Variants in ALPK2 observed in about 807,000 individuals in gnomAD.
ALPK2 encodes alpha-protein kinase 2.
Under a neutral mutation model 163.1 loss-of-function variants are expected in ALPK2, and 127 were observed. The observed-to-expected ratio is 0.78, with a 90% confidence interval of 0.67 to 0.90. ALPK2 has a LOEUF of 0.90. Among genes scored for constraint, ALPK2 ranks in the 40% least tolerant of loss-of-function variants. ALPK2 has a pLI of 0.00. For missense variants in ALPK2, 2,360 were observed against 2,589.6 expected (o/e 0.91, Z 1.92); for synonymous variants, 953 against 959.1 (o/e 0.99, Z 0.12).
At chr18:58,627,584 C>T (rs534249056) in intron 1 of ALPK2, among the ~76,000 whole-genome samples, 4 of 152,300 alleles carry the variant, frequency 2.6e-5, no homozygotes, top group Admixed American at 6.5e-5. Flanking sequence ...GAGACTGAGA[C>T]ATTGTACTCC....
At position 58,536,998 on chromosome 18, in the gene ALPK2, A is replaced by G. The variant is rs1229239316; in HGVS notation, c.3189T>C (p.Gly1063=). ...GCTCTTTTGTAGATTTGATGGTAGCACCACTTAAAATATGATCCAACTGCA... is the reference window on the plus strand; with the variant it reads ...GCTCTTTTGTAGATTTGATGGTAGCGCCACTTAAAATATGATCCAACTGCA... ...SQVQLDHILS[G]ATIKSTKELL... Residue 1063 remains glycine, a synonymous_variant, in exon 5 of 13, where the codon GGT becomes GGC. Coordinates refer to ENST00000361673, the MANE Select transcript of ALPK2 (RefSeq NM_052947.4). 3 of 1,614,044 alleles carry G rather than the reference A, an allele frequency of 1.9e-6. No individual in the cohort carries two copies. The highest frequency in any genetic ancestry group is 1.7e-5 in the Admixed American group (1 of 60,012).
At chr18:58,499,898 A>G (rs768099058) in intron 11 of ALPK2, among the ~76,000 whole-genome samples, 8 of 152,210 alleles carry the variant, frequency 5.3e-5, no homozygotes, top group Non-Finnish European at 1.0e-4. Flanking sequence ...CTGGCCACCT[A>G]CTTCCGTGGT....
rs139176111 is a variant in ALPK2 at position 58,520,149 on chromosome 18, C to T, written c.5666-2967G>A. Among the ~76,000 whole-genome samples, 30 of 152,090 alleles carry T rather than the reference C, an allele frequency of 2.0e-4. No homozygotes were observed. The East Asian group carries it at 2.5e-3, about 13-fold the overall frequency. On this transcript the variant is annotated intron_variant, in intron 8 of 12. Coordinates refer to ENST00000361673, the MANE Select transcript of ALPK2 (RefSeq NM_052947.4). The stretch of plus-strand genomic sequence containing the variant: ...TCCATGAGAAAGAATCAAGAGAGGC[C>T]GGGTGTGGTGGTTCACACCTGTAAT...
intron 10 of ALPK2, among the ~76,000 whole-genome samples, chr18:58,513,676 A>C (rs1328030829): frequency 6.6e-6 from 1 of 152,232 alleles, no homozygotes; most frequent in Non-Finnish European, 1.5e-5. Flanking sequence ...CAGGAGTTGT[A>C]GGCCAGCCTG....
At chr18:58,599,718 A>C (rs1007656911) in intron 3 of ALPK2, among the ~76,000 whole-genome samples, 3 of 152,196 alleles carry the variant, frequency 2.0e-5, no homozygotes, top group African/African-American at 7.2e-5. Flanking sequence ...TGTTTAAAGC[A>C]CCTGAAATAG....
Position 58,628,854 on chromosome 18 carries a change from C to T in ALPK2, c.-111G>A, listed in dbSNP as rs1179971003. ...GTGTGTGAGGCATTGATTGGGTGTC[C>T]CTGTTCCCGGGACAGGGATTCAAAG... is the stretch of plus-strand genomic sequence containing the variant. On this transcript the variant is annotated 5_prime_UTR_variant, in exon 1 of 13. Transcript: ENST00000361673. 1.3e-5 allele frequency: 2 copies of T among 152,160 alleles called. No individual in the cohort carries two copies. Among genetic ancestry groups the T allele is most frequent in the African/African-American group, 4.8e-5 (2 of 41,426 alleles). 9.4% of individuals were successfully genotyped at this position (152,160 alleles called of 1,614,324 possible).
In ALPK2 at chr18:58,535,707, C is replaced by G. The variant is rs2051641644; in HGVS notation, c.4480G>C (p.Val1494Leu). ...PEEAKTAIWQ[V>L]LQPSEGGERI... ...TCACCGCCTTCGCTGGGTTGCAGGACTTGCCAAATGGCAGTTTTTGCCTCC... is the reference window on the plus strand; with the variant it reads ...TCACCGCCTTCGCTGGGTTGCAGGAGTTGCCAAATGGCAGTTTTTGCCTCC... Residue 1494 changes from valine to leucine, a missense_variant, in exon 5 of 13, where the codon GTC becomes CTC. Coordinates refer to ENST00000361673, the MANE Select transcript of ALPK2 (RefSeq NM_052947.4). The G allele has an allele frequency of 6.2e-7, 1 of 1,614,150 alleles. No individual in the cohort carries two copies. The highest frequency in any genetic ancestry group is 1.7e-5 in the Admixed American group (1 of 60,014).
At chr18:58,584,427 G>A (rs2051975422) in intron 3 of ALPK2, among the ~76,000 whole-genome samples, 1 of 152,228 alleles carries the variant, frequency 6.6e-6, no homozygotes. Context: ...TTTCCCCAAA[G>A]TGACAAAGCT....
chr18:58,520,088 ACTCCACGCTGCC>A (rs2051541766), intron 8 of ALPK2, among the ~76,000 whole-genome samples: 1 of 152,010 alleles, frequency 6.6e-6, no homozygotes, highest in South Asian at 2.1e-4. Flanking sequence ...CAGGACTCAC[ACTCCACGCTGCC>A]CAAAGTCCCT....
intron 3 of ALPK2, among the ~76,000 whole-genome samples, chr18:58,602,450 G>A (rs1351221783): frequency 6.6e-6 from 1 of 152,160 alleles, no homozygotes; most frequent in Non-Finnish European, 1.5e-5. Context: ...AGGTTCCAGG[G>A]AAGACTCTTC....
chr18:58,494,138 C>A (rs1257516883), intron 12 of ALPK2, among the ~76,000 whole-genome samples: 1 of 152,156 alleles, frequency 6.6e-6, no homozygotes, highest in African/African-American at 2.4e-5. Context: ...TAAAATTAGG[C>A]CTTTTTTCCT....
intron 4 of ALPK2, among the ~76,000 whole-genome samples, chr18:58,573,797 T>C (rs149373039): frequency 1.0e-3 from 157 of 152,132 alleles, no homozygotes; most frequent in Middle Eastern, 3.4e-3. Flanking sequence ...GAGAATGTCA[T>C]GCGTTGCTCT....
intron 4 of ALPK2, among the ~76,000 whole-genome samples, chr18:58,552,000 G>A (rs2051762551): frequency 6.6e-6 from 1 of 152,120 alleles, no homozygotes; most frequent in African/African-American, 2.4e-5. Flanking sequence ...AAGAGATGAA[G>A]GAGTAAATGG....
At chr18:58,520,079 A>G (rs942317178) in intron 8 of ALPK2, among the ~76,000 whole-genome samples, 1 of 152,172 alleles carries the variant, frequency 6.6e-6, no homozygotes, top group Non-Finnish European at 1.5e-5. Flanking sequence ...ATCCGTTGCC[A>G]GGACTCACAC....
At chr18:58,504,244 A>T (rs1258262818) in intron 10 of ALPK2, 96 bp from the exon 11 acceptor site, 1 of 1,039,026 alleles carries the variant, frequency 9.6e-7, no homozygotes, top group Non-Finnish European at 1.4e-6. Context: ...CACGGAGCAT[A>T]GAATTTGTCC....
At chr18:58,544,061 G>A (rs1001083917) in intron 4 of ALPK2, among the ~76,000 whole-genome samples, 2 of 152,184 alleles carry the variant, frequency 1.3e-5, no homozygotes, top group African/African-American at 4.8e-5. Flanking sequence ...TAGGGACTCA[G>A]TTATTCATTT....
chr18:58,572,986 ATC>A (rs966186094), intron 4 of ALPK2, among the ~76,000 whole-genome samples: 3 of 152,146 alleles, frequency 2.0e-5, no homozygotes, highest in Non-Finnish European at 4.4e-5. Context: ...GTGTACTGTC[ATC>A]TCTCTCTATT....
Position 58,524,009 on chromosome 18 carries a change from T to C in ALPK2, c.5555A>G (p.Asp1852Gly), listed in dbSNP as rs749611893. ...SFAIVQASPKDQGLYYCCIKN... is the reference protein window; with the variant it reads ...SFAIVQASPKGQGLYYCCIKN... Reference sequence around the variant, plus strand: ...GATGCAGCAGTAATAGAGTCCCTGGTCCTTCGGACTGGCTTGCACGATGGC... The same window carrying C: ...GATGCAGCAGTAATAGAGTCCCTGGCCCTTCGGACTGGCTTGCACGATGGC... The change falls in exon 7 of 13, where the codon GAC becomes GGC. Residue 1852 changes from aspartate (D) to glycine (G), a missense_variant. Transcript: ENST00000361673. The C allele has an allele frequency of 5.6e-6, 9 of 1,614,006 alleles. No individual in the cohort carries two copies. The highest frequency in any genetic ancestry group is 7.6e-6 in the Non-Finnish European group (9 of 1,180,008).
intron 9 of ALPK2, among the ~76,000 whole-genome samples, chr18:58,515,819 G>T (rs1185178165): frequency 6.6e-6 from 1 of 152,202 alleles, no homozygotes; most frequent in Admixed American, 6.5e-5. Context: ...TATTTTAAAT[G>T]TTTTAATTGT....
Sources: gnomAD v4.1 joint callset for allele counts (sites outside exome capture counted in the v4.1 genomes callset) on GRCh38, gnomAD v4.1.1 for gene constraint, MANE v1.5 for transcripts, NCBI Gene and HGNC (gene_info 2026-07-23, HGNC 2026-07-21) for gene names.